The following REDIC1 variants were observed in gnomAD, a reference collection of about 807,000 sequenced individuals.
The protein encoded by REDIC1 is HEI10 Interacting Protein 1.
chr12:39,781,393 C>CT, the REDIC1 span, among the ~76,000 whole-genome samples: 2 of 6,098 alleles, frequency 3.3e-4, no homozygotes, highest in South Asian at 7.4e-3. Flanking sequence ...TCTGGCCTGC[C>CT]CCCTCCAGCC....
chr12:39,802,517 G>A, the REDIC1 span: 1 of 152,174 alleles, frequency 6.6e-6, no homozygotes, highest in Admixed American at 6.6e-5. Flanking sequence ...GGAAGTATAA[G>A]CATAGTGTAC....
chr12:39,687,759 G>T, the REDIC1 span, among the ~76,000 whole-genome samples: 8 of 152,148 alleles, frequency 5.3e-5, no homozygotes, highest in African/African-American at 1.9e-4. Context: ...CCATACTATT[G>T]AAATATCTAT....
chr12:39,828,934 G>C, the REDIC1 span, among the ~76,000 whole-genome samples: 1 of 151,856 alleles, frequency 6.6e-6, no homozygotes, highest in Non-Finnish European at 1.5e-5. Flanking sequence ...AATGTGGTCT[G>C]GATTTTTACT....
chr12:39,781,557 A>C, the REDIC1 span, among the ~76,000 whole-genome samples: 1 of 152,252 alleles, frequency 6.6e-6, no homozygotes, highest in Non-Finnish European at 1.5e-5. Flanking sequence ...ATTGTCTCAC[A>C]GTTTTGAAGT....
chr12:39,699,300 G>A, the REDIC1 span, among the ~76,000 whole-genome samples: 2 of 152,198 alleles, frequency 1.3e-5, no homozygotes, highest in African/African-American at 4.8e-5. Flanking sequence ...AGCGAAAGGG[G>A]TCAGGGAGTT....
At chr12:39,815,273 A>G in the REDIC1 span, among the ~76,000 whole-genome samples, 4 of 152,252 alleles carry the variant, frequency 2.6e-5, no homozygotes, top group African/African-American at 9.6e-5. Context: ...AAGAGAAAAC[A>G]GAATAAAGCA....
At chr12:39,744,685 T>C in the REDIC1 span, among the ~76,000 whole-genome samples, 30 of 151,730 alleles carry the variant, frequency 2.0e-4, no homozygotes, top group Non-Finnish European at 1.5e-4. Context: ...ATAACTGAAA[T>C]AAATAAATAG....
chr12:39,797,991 T>C, the REDIC1 span, among the ~76,000 whole-genome samples: 1 of 152,190 alleles, frequency 6.6e-6, no homozygotes, highest in African/African-American at 2.4e-5. Context: ...GTGTAACCAA[T>C]TTGATATTAT....
chr12:39,896,142 CTA>C, the REDIC1 span, among the ~76,000 whole-genome samples: 4 of 141,134 alleles, frequency 2.8e-5, no homozygotes, highest in African/African-American at 1.1e-4. Context: ...ACACGTGTAC[CTA>C]TATATGTATA....
chr12:39,808,883 C>A, the REDIC1 span, among the ~76,000 whole-genome samples: 1 of 152,086 alleles, frequency 6.6e-6, no homozygotes, highest in African/African-American at 2.4e-5. Context: ...ATTCTCTTAA[C>A]AATGTCTTTC....
At chr12:39,674,582 G>C in the REDIC1 span, among the ~76,000 whole-genome samples, 9 of 152,306 alleles carry the variant, frequency 5.9e-5, no homozygotes, top group Admixed American at 1.3e-4. Context: ...AAGTGTGAGG[G>C]GGGGATAGCC....
the REDIC1 span, among the ~76,000 whole-genome samples, chr12:39,890,292 T>C: frequency 5.3e-5 from 8 of 152,206 alleles, no homozygotes; most frequent in African/African-American, 1.9e-4. Context: ...TAGAGCATCA[T>C]TATTATTAAA....
chr12:39,803,614 AG>A, the REDIC1 span, among the ~76,000 whole-genome samples: 6 of 152,268 alleles, frequency 3.9e-5, no homozygotes, highest in East Asian at 5.8e-4. Flanking sequence ...ATCCTTCAAC[AG>A]ATATGCTAAC....
At chr12:39,682,814 A>C in the REDIC1 span, 1 of 1,612,438 alleles carries the variant, frequency 6.2e-7, no homozygotes, top group Non-Finnish European at 8.5e-7. Context: ...GAGAATTGTG[A>C]CTCTTTTGTT....
At chr12:39,738,222 G>A in the REDIC1 span, among the ~76,000 whole-genome samples, 7 of 152,180 alleles carry the variant, frequency 4.6e-5, no homozygotes, top group Non-Finnish European at 7.3e-5. Context: ...CTCATATGGA[G>A]TCTGTTTTCC....
chr12:39,745,972 A>C, the REDIC1 span: 1 of 152,432 alleles, frequency 6.6e-6, no homozygotes, highest in African/African-American at 2.4e-5. Context: ...AGATGGTTGA[A>C]TAGGAACAGC....
the REDIC1 span, among the ~76,000 whole-genome samples, chr12:39,812,377 C>CTTTTCTTTTCTTTTCTTTTCTT: frequency 3.4e-5 from 4 of 117,966 alleles, no homozygotes; most frequent in African/African-American, 1.2e-4. Flanking sequence ...CTTTTCTTTT[C>CTTTTCTTTTCTTTTCTTTTCTT]TTTTCTTTCT....
chr12:39,677,182 C>T, the REDIC1 span, among the ~76,000 whole-genome samples: 91 of 152,162 alleles, frequency 6.0e-4, no homozygotes, highest in African/African-American at 2.1e-3. Context: ...ACCAAGTATC[C>T]ATTGTCTTCA....
the REDIC1 span, among the ~76,000 whole-genome samples, chr12:39,843,106 C>T: frequency 3.8e-4 from 57 of 151,938 alleles, no homozygotes; most frequent in Admixed American, 9.8e-4. Flanking sequence ...TGAGTAGATA[C>T]GTGCTTTCAG....
Sources: gnomAD v4.1 joint callset for allele counts (sites outside exome capture counted in the v4.1 genomes callset) on GRCh38, gnomAD v4.1.1 for gene constraint, MANE v1.5 for transcripts, NCBI Gene and HGNC (gene_info 2026-07-23, HGNC 2026-07-21) for gene names.